Variants in TBC1D19 observed in about 807,000 individuals in gnomAD.
TBC1D19 encodes the protein TBC1 domain family member 19, also known as TBC1 domain family, member 19.
In TBC1D19, 60 loss-of-function variants were observed where a neutral mutation model predicts 89.0. The ratio of observed to expected loss-of-function variants is 0.67; its 90% CI spans 0.55 to 0.84. The LOEUF is 0.84. Ranked by LOEUF, TBC1D19 falls within the 40% of genes least tolerant of loss-of-function variation. TBC1D19 has a pLI of 0.00. For missense variants in TBC1D19, 500 were observed against 610.8 expected, an observed-to-expected ratio of 0.82 and a Z score of 1.91; for synonymous variants, 189 against 199.7, an observed-to-expected ratio of 0.95 and a Z score of 0.45.
At chr4:26,828,256 G>A in the TBC1D19 span, among the ~76,000 whole-genome samples, 1 of 152,160 alleles carries the variant, frequency 6.6e-6, no homozygotes, top group Admixed American at 6.5e-5. Flanking sequence ...ATGAATTTCA[G>A]CCTCTTAGGC....
the TBC1D19 span, among the ~76,000 whole-genome samples, chr4:26,788,244 G>A: frequency 1.3e-5 from 2 of 152,142 alleles, no homozygotes; most frequent in Non-Finnish European, 2.9e-5. Flanking sequence ...GGAACCAAGA[G>A]GGTGCCTGGA....
chr4:26,752,457 T>C (rs1719021780), intron 19 of TBC1D19, among the ~76,000 whole-genome samples: 1 of 152,044 alleles, frequency 6.6e-6, no homozygotes, highest in African/African-American at 2.4e-5. Context: ...TGCTTTCCAG[T>C]CTGTTCTTCA....
chr4:26,762,529 T>C, the TBC1D19 span, among the ~76,000 whole-genome samples: 5 of 152,226 alleles, frequency 3.3e-5, no homozygotes, highest in South Asian at 2.1e-4. Context: ...CCTATGAAAA[T>C]AGAATCTTAG....
the TBC1D19 span, among the ~76,000 whole-genome samples, chr4:26,820,046 A>G: frequency 2.0e-5 from 3 of 152,152 alleles, no homozygotes; most frequent in African/African-American, 4.8e-5. Context: ...TTGCTTTTTA[A>G]TGGACAATAA....
intron 7 of TBC1D19, among the ~76,000 whole-genome samples, chr4:26,654,974 C>G (rs965301270): frequency 1.3e-5 from 2 of 152,174 alleles, no homozygotes; most frequent in Non-Finnish European, 2.9e-5. Flanking sequence ...TTCAATTTTT[C>G]TGCTCTGTTT....
rs33992685 is a variant in TBC1D19 at position 26,735,441 on chromosome 4, CT to C, written c.1085-3del. 446 of 1,150,714 alleles carry C rather than the reference CT, an allele frequency of 3.9e-4. No individual in the cohort carries two copies. Among genetic ancestry groups the C allele is most frequent in the Admixed American group, 9.8e-4 (37 of 37,806 alleles). The allele number at this position is 1,150,714 out of a possible 1,614,324, so 71.3% of individuals were successfully genotyped here. A position where few individuals can be genotyped will look rare whatever the true frequency, so the allele number is the denominator to read the frequency against. On this transcript the variant is annotated splice_polypyrimidine_tract_variant and intron_variant, in intron 15 of 20. Coordinates refer to ENST00000264866, the MANE Select transcript of TBC1D19 (RefSeq NM_018317.4). ...CCTACTACTTATTGAAAAGAAATAC[CT>C]TTTTTTTTTTAGGTGTTATCCCTTT... is the stretch of plus-strand genomic sequence containing the variant.
chr4:26,698,502 G>A (rs1225801815), intron 13 of TBC1D19, among the ~76,000 whole-genome samples: 1 of 152,080 alleles, frequency 6.6e-6, no homozygotes. Context: ...CACAGAATTG[G>A]AAAAAACTAC....
At chr4:26,688,264 C>A in intron 12 of TBC1D19, 81 bp from the exon 13 acceptor site, 1 of 1,433,636 alleles carries the variant, frequency 7.0e-7, no homozygotes, top group East Asian at 2.7e-5. Flanking sequence ...TGCAGTAGTG[C>A]TTCTAAATAC....
chr4:26,642,850 G>A (rs188240879), intron 7 of TBC1D19, among the ~76,000 whole-genome samples: 2 of 152,270 alleles, frequency 1.3e-5, no homozygotes, highest in East Asian at 3.9e-4. Context: ...TTACATAATG[G>A]TAAGGGATCA....
chr4:26,798,475 T>G, the TBC1D19 span, among the ~76,000 whole-genome samples: 1 of 152,154 alleles, frequency 6.6e-6, no homozygotes, highest in South Asian at 2.1e-4. Flanking sequence ...GTTCAATCCC[T>G]ATGGAAAATG....
chr4:26,749,895 C>G (rs899268251), intron 19 of TBC1D19, among the ~76,000 whole-genome samples: 1 of 152,086 alleles, frequency 6.6e-6, no homozygotes, highest in Non-Finnish European at 1.5e-5. Context: ...TTTTTAAAAA[C>G]CTATACAAAT....
At chr4:26,793,381 A>T in the TBC1D19 span, among the ~76,000 whole-genome samples, 2 of 152,196 alleles carry the variant, frequency 1.3e-5, no homozygotes, top group South Asian at 4.1e-4. Context: ...GTTCAAAGGG[A>T]TCAAATCAGC....
chr4:26,854,571 G>A, the TBC1D19 span, among the ~76,000 whole-genome samples: 2 of 152,168 alleles, frequency 1.3e-5, no homozygotes, highest in African/African-American at 4.8e-5. Context: ...GGTTGCAGAA[G>A]GGATGTTTCA....
At chr4:26,636,134 C>T (rs1251807416) in intron 4 of TBC1D19, among the ~76,000 whole-genome samples, 1 of 151,848 alleles carries the variant, frequency 6.6e-6, no homozygotes, top group African/African-American at 2.4e-5. Context: ...ATTAATTGTT[C>T]TTTATGAGTA....
the TBC1D19 span, among the ~76,000 whole-genome samples, chr4:26,761,671 G>T: frequency 6.6e-6 from 1 of 151,988 alleles, no homozygotes; most frequent in Non-Finnish European, 1.5e-5. Context: ...TTTCAAATAG[G>T]TATGCTTTTT....
the TBC1D19 span, among the ~76,000 whole-genome samples, chr4:26,816,032 A>G: frequency 6.6e-6 from 1 of 152,216 alleles, no homozygotes; most frequent in Non-Finnish European, 1.5e-5. Flanking sequence ...AGGGTCAGGA[A>G]ACTTTTTTCT....
At position 26,673,883 on chromosome 4, in the gene TBC1D19, C is replaced by G; in HGVS notation, c.811C>G (p.Pro271Ala). The G allele has an allele frequency of 1.3e-6, 2 of 1,583,074 alleles. No homozygotes were observed. Among genetic ancestry groups the G allele is most frequent in the African/African-American group, 1.4e-5 (1 of 73,736 alleles). ...WALILNISSQ[P>A]EDVLYYEQLK... ...TCTCATTTTGAATATTTCCAGCCAACCTGAGGTAAGAAGAAAAAAAGGGTG... is the reference window on the plus strand; with the variant it reads ...TCTCATTTTGAATATTTCCAGCCAAGCTGAGGTAAGAAGAAAAAAAGGGTG... Residue 271 changes from proline to alanine, a missense_variant, in exon 11 of 21, where the codon CCT becomes GCT. This residue lies in a region of TBC1D19 where 220 missense variants were observed against 319.1 expected (regional missense o/e 0.69). Coordinates refer to ENST00000264866, the MANE Select transcript of TBC1D19 (RefSeq NM_018317.4).
intron 7 of TBC1D19, among the ~76,000 whole-genome samples, chr4:26,655,298 C>T (rs547606068): frequency 6.6e-6 from 1 of 152,208 alleles, no homozygotes; most frequent in Non-Finnish European, 1.5e-5. Flanking sequence ...GCGTGCCTCC[C>T]AGTTAAGCTA....
At chr4:26,826,062 C>T in the TBC1D19 span, among the ~76,000 whole-genome samples, 1 of 152,116 alleles carries the variant, frequency 6.6e-6, no homozygotes, top group African/African-American at 2.4e-5. Flanking sequence ...ATTAGCCAGG[C>T]TTGGTGGCAT....
Sources: gnomAD v4.1 joint callset for allele counts (sites outside exome capture counted in the v4.1 genomes callset) on GRCh38, gnomAD v4.1.1 for gene constraint, gnomAD v4.1.1 regional missense constraint, MANE v1.5 for transcripts, NCBI Gene and HGNC (gene_info 2026-07-23, HGNC 2026-07-21) for gene names.